The following GHR variants were observed in gnomAD, a reference collection of about 807,000 sequenced individuals.
The protein encoded by GHR is GH receptor.
Under a neutral mutation model 67.1 loss-of-function variants are expected in GHR, and 35 were observed. The observed-to-expected ratio is 0.52, with a 90% CI of 0.40 to 0.69. The LOEUF is 0.69. GHR is among the 30% of genes least tolerant of loss of function. The pLI is 0.00. For synonymous variants in GHR, 272 were observed against 269.1 expected, an observed-to-expected ratio of 1.01 and a Z score of -0.10; for missense variants, 792 against 764.6, an observed-to-expected ratio of 1.04 and a Z score of -0.42.
intron 1 of GHR, among the ~76,000 whole-genome samples, chr5:42,496,989 G>C (rs1259222102): frequency 6.6e-6 from 1 of 152,142 alleles, no homozygotes; most frequent in African/African-American, 2.4e-5. Context: ...GTGCTCTTGG[G>C]GCCAGGAGTG....
intron 4 of GHR, among the ~76,000 whole-genome samples, chr5:42,692,795 C>T (rs898294093): frequency 6.6e-6 from 1 of 152,174 alleles, no homozygotes; most frequent in Non-Finnish European, 1.5e-5. Flanking sequence ...CACTAATCTA[C>T]ATCTTTGGAA....
chr5:42,679,708 G>A (rs1756763935), intron 3 of GHR, among the ~76,000 whole-genome samples: 1 of 151,924 alleles, frequency 6.6e-6, no homozygotes, highest in Admixed American at 6.6e-5. Flanking sequence ...AGTGACTTTG[G>A]GCCAGTTATT....
chr5:42,623,254 G>A (rs1753545400), intron 2 of GHR, among the ~76,000 whole-genome samples: 1 of 152,090 alleles, frequency 6.6e-6, no homozygotes, highest in Admixed American at 6.6e-5. Context: ...TTTCTGTTGA[G>A]AAGTTGAGTA....
chr5:42,645,890 G>T (rs4330467), intron 3 of GHR, among the ~76,000 whole-genome samples: 2,876 of 152,300 alleles, frequency 0.019, 83 homozygotes, highest in African/African-American at 0.065. Flanking sequence ...GAACTGAGGA[G>T]AGTACTCATT....
At chr5:42,573,696 T>C (rs1466736166) in intron 2 of GHR, among the ~76,000 whole-genome samples, 1 of 152,216 alleles carries the variant, frequency 6.6e-6, no homozygotes, top group Non-Finnish European at 1.5e-5. Context: ...AGGGATCCTG[T>C]GGATAGCTGA....
chr5:42,476,956 T>C (rs912047322), intron 1 of GHR, among the ~76,000 whole-genome samples: 3 of 152,164 alleles, frequency 2.0e-5, no homozygotes, highest in Non-Finnish European at 4.4e-5. Context: ...TATGTATACA[T>C]GTGCCATGTT....
chr5:42,455,780 A>G (rs773945222), intron 1 of GHR, among the ~76,000 whole-genome samples: 13 of 152,218 alleles, frequency 8.5e-5, no homozygotes, highest in Non-Finnish European at 1.2e-4. Flanking sequence ...CAAACTATAT[A>G]TATTGAAGCC....
intron 1 of GHR, among the ~76,000 whole-genome samples, chr5:42,523,936 T>C (rs1747587003): frequency 6.6e-6 from 1 of 152,148 alleles, no homozygotes; most frequent in Non-Finnish European, 1.5e-5. Flanking sequence ...CACCACCATG[T>C]AAAAAGGGCC....
At chr5:42,670,509 A>C (rs989982754) in intron 3 of GHR, among the ~76,000 whole-genome samples, 3 of 152,186 alleles carry the variant, frequency 2.0e-5, no homozygotes, top group African/African-American at 7.2e-5. Flanking sequence ...CAAAAGCAAA[A>C]ATAGACAAAT....
At chr5:42,488,346 C>T (rs749027212) in intron 1 of GHR, among the ~76,000 whole-genome samples, 1 of 152,168 alleles carries the variant, frequency 6.6e-6, no homozygotes. Context: ...AAAGTTAACT[C>T]GTAAGTAAAT....
At chr5:42,433,933 G>T (rs1277887853) in intron 1 of GHR, among the ~76,000 whole-genome samples, 1 of 151,892 alleles carries the variant, frequency 6.6e-6, no homozygotes, top group Non-Finnish European at 1.5e-5. Context: ...CTGCATATAG[G>T]CTCATCCCTT....
In GHR at chr5:42,695,042, G is replaced by A; in HGVS notation, c.392G>A (p.Ser131Asn). ...ATACCTTATTGTATCAAGCTAACTA[G>A]CAATGGTGGTACAGTGGATGAAAAG... ...IWIPYCIKLT[S>N]NGGTVDEKCF... is the part of the protein sequence containing the mutation. The change falls in exon 5 of 10, where the codon AGC becomes AAC. Residue 131 changes from serine to asparagine, a missense_variant. By Grantham distance (46) the Ser-to-Asn change is conservative (BLOSUM62 1). Transcript: ENST00000230882. The A allele has an allele frequency of 6.2e-7, 1 of 1,611,152 alleles. No individual in the cohort carries two copies. The highest frequency in any genetic ancestry group is 8.5e-7 in the Non-Finnish European group (1 of 1,177,380).
intron 1 of GHR, among the ~76,000 whole-genome samples, chr5:42,556,197 C>T (rs931722290): frequency 7.9e-5 from 12 of 152,140 alleles, no homozygotes; most frequent in East Asian, 3.9e-4. Context: ...TGAAAACCTA[C>T]GCTTCTGTTA....
At chr5:42,545,389 C>G (rs1021078096) in intron 1 of GHR, among the ~76,000 whole-genome samples, 1 of 152,068 alleles carries the variant, frequency 6.6e-6, no homozygotes, top group African/African-American at 2.4e-5. Context: ...TAAGAGACAA[C>G]TTTTTATACG....
chr5:42,491,832 G>A (rs1020170596), intron 1 of GHR, among the ~76,000 whole-genome samples: 2 of 152,308 alleles, frequency 1.3e-5, no homozygotes, highest in Middle Eastern at 3.4e-3. Context: ...CAGGCACAGG[G>A]AGAGGGCATT....
At chr5:42,647,334 G>A (rs906416131) in intron 3 of GHR, among the ~76,000 whole-genome samples, 1 of 151,994 alleles carries the variant, frequency 6.6e-6, no homozygotes, top group Non-Finnish European at 1.5e-5. Flanking sequence ...CAGCACTTTG[G>A]GAGGCCGAGG....
chr5:42,611,554 C>T lies in GHR; in HGVS notation c.71-17484C>T, dbSNP rs142345992. Among the ~76,000 whole-genome samples, 450 of 152,232 alleles carry T rather than the reference C, an allele frequency of 3.0e-3. 5 individuals are homozygous for T. The highest frequency in any genetic ancestry group is 6.8e-3 in the Middle Eastern group (2 of 294). ...TAGAACTGTATGTTAGGGGACAAAA[C>T]GCACATGGTTTCTGTCTTCTTAGAG... On this transcript the variant is annotated intron_variant, in intron 2 of 9. Transcript: ENST00000230882.
At chr5:42,711,164 G>A in intron 6 of GHR, 43 bp from the exon 7 acceptor site, 6 of 1,486,832 alleles carry the variant, frequency 4.0e-6, no homozygotes, top group Non-Finnish European at 5.6e-6. Flanking sequence ...GCATTGAGTT[G>A]TTGACTCTTT....
chr5:42,660,773 C>T (rs577490398), intron 3 of GHR, among the ~76,000 whole-genome samples: 59 of 152,282 alleles, frequency 3.9e-4, no homozygotes, highest in African/African-American at 1.3e-3. Context: ...ATGACTTTGA[C>T]GAGCTGAGAG....
Sources: allele counts gnomAD v4.1 joint callset (sites outside exome capture counted in the v4.1 genomes callset), GRCh38; gene constraint gnomAD v4.1.1; transcripts MANE v1.5; gene names NCBI Gene and HGNC (gene_info 2026-07-23, HGNC 2026-07-21).